Variants in SNTG1 observed in about 807,000 individuals in gnomAD.
SNTG1 encodes syntrophin gamma 1.
SNTG1 carries 39 observed loss-of-function variants against 74.7 expected under a neutral mutation model. The ratio of observed to expected loss-of-function variants is 0.52; its 90% CI spans 0.40 to 0.68. The LOEUF is 0.68. SNTG1 is among the 30% of genes least tolerant of loss of function. The probability of loss-of-function intolerance (pLI) is 0.00; values close to 1 mark genes in which losing one functional copy is unlikely to be tolerated. For synonymous variants in SNTG1, 254 were observed against 217.1 expected (o/e 1.17, Z -1.49); for missense variants, 685 against 609.5 (o/e 1.12, Z -1.30).
chr8:50,409,084 C>T (rs1024583638), intron 4 of SNTG1, among the ~76,000 whole-genome samples: 8 of 152,138 alleles, frequency 5.3e-5, no homozygotes, highest in African/African-American at 1.4e-4. Flanking sequence ...TCATCACTCC[C>T]TGATTAGTGG....
chr8:50,576,688 C>T (rs984079613), intron 12 of SNTG1, among the ~76,000 whole-genome samples: 4 of 151,776 alleles, frequency 2.6e-5, no homozygotes, highest in African/African-American at 9.7e-5. Context: ...TTACTTAATT[C>T]CTAAGTATTT....
At chr8:50,750,159 C>G (rs1472036871) in intron 17 of SNTG1, among the ~76,000 whole-genome samples, 1 of 151,926 alleles carries the variant, frequency 6.6e-6, no homozygotes, top group African/African-American at 2.4e-5. Context: ...TCTTCGGAGA[C>G]TTGGAGAGGT....
Position 50,691,324 on chromosome 8 carries a change from A to G in SNTG1, c.1039-13276A>G, listed in dbSNP as rs2095378136. On this transcript the variant is annotated intron_variant, in intron 15 of 18. Coordinates refer to ENST00000642720, the MANE Select transcript of SNTG1 (RefSeq NM_018967.5). ...AGCTGGTTATTTTGCTCGTTAGTTG[A>G]TGCAGTTTCTTCCTAGCCTTGATGG... Among the ~76,000 whole-genome samples, 3 of 152,272 alleles carry G rather than the reference A, an allele frequency of 2.0e-5. No homozygotes were observed. In the South Asian group the frequency reaches 6.2e-4, roughly 32 times the overall value.
intron 1 of SNTG1, among the ~76,000 whole-genome samples, chr8:50,054,217 G>A (rs1448818361): frequency 6.6e-6 from 1 of 151,918 alleles, no homozygotes; most frequent in Non-Finnish European, 1.5e-5. Context: ...TTTCCCAAAT[G>A]GGCTCCCTTC....
intron 2 of SNTG1, among the ~76,000 whole-genome samples, chr8:50,389,875 A>G (rs995728398): frequency 6.6e-6 from 1 of 152,210 alleles, no homozygotes; most frequent in African/African-American, 2.4e-5. Context: ...GGCTGCATAA[A>G]TGTCTTCTTT....
At chr8:50,274,467 A>G (rs868372911) in intron 2 of SNTG1, among the ~76,000 whole-genome samples, 1 of 152,128 alleles carries the variant, frequency 6.6e-6, no homozygotes, top group African/African-American at 2.4e-5. Flanking sequence ...TTTTTTACAT[A>G]TATAATTATA....
At chr8:50,101,806 G>C (rs1369103975) in intron 1 of SNTG1, among the ~76,000 whole-genome samples, 1 of 151,986 alleles carries the variant, frequency 6.6e-6, no homozygotes, top group Non-Finnish European at 1.5e-5. Flanking sequence ...AGAACATGCG[G>C]TGTTTGGTTT....
At chr8:50,764,318 CAG>C (rs933014893) in intron 18 of SNTG1, among the ~76,000 whole-genome samples, 4 of 151,816 alleles carry the variant, frequency 2.6e-5, no homozygotes, top group Admixed American at 2.6e-4. Context: ...AGAAAATGAA[CAG>C]AGTGATGAGG....
At chr8:50,116,294 T>A (rs1278971284) in intron 1 of SNTG1, among the ~76,000 whole-genome samples, 1 of 152,196 alleles carries the variant, frequency 6.6e-6, no homozygotes, top group Non-Finnish European at 1.5e-5. Flanking sequence ...TTCTACTTAA[T>A]GTAATACTTA....
intron 1 of SNTG1, among the ~76,000 whole-genome samples, chr8:50,153,366 C>T (rs1295336210): frequency 6.6e-6 from 1 of 152,142 alleles, no homozygotes; most frequent in East Asian, 1.9e-4. Flanking sequence ...TCCGTTAGCT[C>T]AGAGAAGTTT....
chr8:50,536,871 C>A (rs575046696), intron 11 of SNTG1, 63 bp downstream of exon 11: 11 of 1,586,308 alleles, frequency 6.9e-6, no homozygotes, highest in Non-Finnish European at 6.9e-6. Flanking sequence ...TTTAGAAAAC[C>A]TTTTGACATA....
At chr8:50,213,476 CTA>C (rs1237599109) in intron 2 of SNTG1, among the ~76,000 whole-genome samples, 4 of 152,090 alleles carry the variant, frequency 2.6e-5, no homozygotes, top group African/African-American at 9.7e-5. Flanking sequence ...TGAAAATAAA[CTA>C]TTTTGTCATC....
intron 4 of SNTG1, among the ~76,000 whole-genome samples, chr8:50,423,607 T>C (rs2093123916): frequency 6.6e-6 from 1 of 152,234 alleles, no homozygotes; most frequent in South Asian, 2.1e-4. Context: ...GACAGAGAGA[T>C]ATTGTGGATA....
intron 1 of SNTG1, among the ~76,000 whole-genome samples, chr8:50,055,364 C>T (rs936105728): frequency 2.0e-5 from 3 of 152,056 alleles, no homozygotes; most frequent in Non-Finnish European, 2.9e-5. Context: ...GAAAAAAATC[C>T]GGTGATCAGT....
At chr8:50,683,340 AG>A (rs940390087) in intron 15 of SNTG1, among the ~76,000 whole-genome samples, 1 of 152,150 alleles carries the variant, frequency 6.6e-6, no homozygotes, top group African/African-American at 2.4e-5. Flanking sequence ...GGTGGGGGTA[AG>A]GGGAAGACAG....
At chr8:50,077,180 A>T (rs1053874611) in intron 1 of SNTG1, among the ~76,000 whole-genome samples, 1 of 152,198 alleles carries the variant, frequency 6.6e-6, no homozygotes, top group African/African-American at 2.4e-5. Context: ...TACAGAAATG[A>T]TGAATTCGAT....
At chr8:50,510,009 G>A (rs2094052215) in intron 9 of SNTG1, among the ~76,000 whole-genome samples, 1 of 152,168 alleles carries the variant, frequency 6.6e-6, no homozygotes, top group South Asian at 2.1e-4. Context: ...CAAAGGGAAT[G>A]CTTCCAGTTT....
intron 2 of SNTG1, among the ~76,000 whole-genome samples, chr8:50,337,530 T>C (rs2091181947): frequency 1.3e-5 from 2 of 152,212 alleles, no homozygotes; most frequent in Admixed American, 1.3e-4. Context: ...CAGAGCATTC[T>C]GTTCTGTTTA....
intron 8 of SNTG1, among the ~76,000 whole-genome samples, chr8:50,502,420 C>A (rs556774087): frequency 6.6e-6 from 1 of 152,262 alleles, no homozygotes; most frequent in South Asian, 2.1e-4. Flanking sequence ...AGGTGCTCAA[C>A]AATTATTAAT....
Sources: allele counts gnomAD v4.1 joint callset (sites outside exome capture counted in the v4.1 genomes callset), GRCh38; gene constraint gnomAD v4.1.1; transcripts MANE v1.5; gene names NCBI Gene and HGNC (gene_info 2026-07-23, HGNC 2026-07-21).